The following GRM8 variants were observed in gnomAD, a reference collection of about 807,000 sequenced individuals.
The protein encoded by GRM8 is metabotropic glutamate receptor 8.
A neutral mutation model predicts 87.2 loss-of-function variants in GRM8; 47 were observed. The ratio of observed to expected loss-of-function variants is 0.54; its 90% CI spans 0.43 to 0.69. GRM8 has a LOEUF of 0.69. Ranked by LOEUF, GRM8 falls within the 30% of genes least tolerant of loss-of-function variation. The pLI is 0.00. For missense variants in GRM8, 1,019 were observed against 1,139.2 expected, an observed-to-expected ratio of 0.89 and a Z score of 1.52; for synonymous variants, 396 against 404.5, an observed-to-expected ratio of 0.98 and a Z score of 0.25.
At chr7:126,591,097 T>C (rs1796627035) in intron 8 of GRM8, among the ~76,000 whole-genome samples, 2 of 152,034 alleles carry the variant, frequency 1.3e-5, no homozygotes, top group South Asian at 4.1e-4. Flanking sequence ...GAATGGATAA[T>C]AATTCACCAA....
At chr7:127,064,269 G>C (rs1231164732) in intron 3 of GRM8, among the ~76,000 whole-genome samples, 2 of 151,700 alleles carry the variant, frequency 1.3e-5, no homozygotes, top group East Asian at 3.9e-4. Context: ...TGTCTCTGTG[G>C]GTCTCTAAGA....
At chr7:126,538,420 T>G (rs1816104280) in intron 8 of GRM8, among the ~76,000 whole-genome samples, 3 of 152,258 alleles carry the variant, frequency 2.0e-5, no homozygotes, top group African/African-American at 7.2e-5. Context: ...CCCATTATAA[T>G]TAATAATTTT....
At chr7:126,688,052 T>C (rs1430743942) in intron 7 of GRM8, among the ~76,000 whole-genome samples, 2 of 152,186 alleles carry the variant, frequency 1.3e-5, no homozygotes, top group Non-Finnish European at 2.9e-5. Context: ...TCAATCATTA[T>C]GTATATTGCA....
At chr7:127,122,962 C>T (rs1315625429) in intron 2 of GRM8, among the ~76,000 whole-genome samples, 9 of 151,926 alleles carry the variant, frequency 5.9e-5, no homozygotes, top group Non-Finnish European at 1.5e-5. Context: ...CTTGAGTCAA[C>T]GTTGAACTTC....
chr7:127,230,828 A>G lies in GRM8; in HGVS notation c.510+11867T>C, dbSNP rs184139760. 5.3e-5 allele frequency among the ~76,000 whole-genome samples: 8 copies of G among 152,264 alleles called. No individual in the cohort carries two copies. In the East Asian group the frequency reaches 1.2e-3, roughly 22 times the overall value. On this transcript the variant is annotated intron_variant, in intron 2 of 10. Transcript: ENST00000339582. ...CTTCCAGAAATGTGAGGGGAAAAAA[A>G]GGCTATTGTTTAAGCCACCCAGTCT...
intron 9 of GRM8, among the ~76,000 whole-genome samples, chr7:126,459,959 T>C (rs193031244): frequency 4.7e-4 from 71 of 151,692 alleles, no homozygotes; most frequent in Non-Finnish European, 8.3e-4. Context: ...TATTTTTACC[T>C]GCTCTTTTTA....
intron 6 of GRM8, among the ~76,000 whole-genome samples, chr7:126,879,452 T>C (rs990743288): frequency 6.6e-6 from 1 of 152,194 alleles, no homozygotes; most frequent in Non-Finnish European, 1.5e-5. Context: ...TGTAATTATA[T>C]CTAAATGTTC....
At chr7:127,174,387 G>C (rs1194920502) in intron 2 of GRM8, among the ~76,000 whole-genome samples, 1 of 152,116 alleles carries the variant, frequency 6.6e-6, no homozygotes, top group Non-Finnish European at 1.5e-5. Context: ...CCCATTCTCT[G>C]AACAGAAGGA....
At chr7:127,089,533 A>G (rs1423460273) in intron 3 of GRM8, among the ~76,000 whole-genome samples, 1 of 152,250 alleles carries the variant, frequency 6.6e-6, no homozygotes, top group Admixed American at 6.5e-5. Context: ...CTAAGCATAT[A>G]GCCAGCACAC....
chr7:126,983,870 G>A (rs928212343), intron 3 of GRM8, among the ~76,000 whole-genome samples: 3 of 152,216 alleles, frequency 2.0e-5, no homozygotes, highest in Admixed American at 6.5e-5. Context: ...AGGGAATACA[G>A]AATGGGTAGG....
intron 6 of GRM8, among the ~76,000 whole-genome samples, chr7:126,843,734 G>C (rs1050102166): frequency 1.3e-5 from 2 of 152,336 alleles, no homozygotes; most frequent in African/African-American, 4.8e-5. Flanking sequence ...CAATATTTCT[G>C]TGAGCCAGGG....
intron 3 of GRM8, among the ~76,000 whole-genome samples, chr7:127,042,001 G>A (rs932766485): frequency 6.6e-6 from 1 of 152,102 alleles, no homozygotes; most frequent in African/African-American, 2.4e-5. Flanking sequence ...GTGAGAGGAG[G>A]GGGGATTGGG....
At chr7:126,623,779 A>C (rs1800409528) in intron 7 of GRM8, among the ~76,000 whole-genome samples, 1 of 152,184 alleles carries the variant, frequency 6.6e-6, no homozygotes, top group South Asian at 2.1e-4. Context: ...GGTAAAAATA[A>C]ACAAGGCCCA....
intron 7 of GRM8, among the ~76,000 whole-genome samples, chr7:126,703,939 C>A (rs572650749): frequency 6.6e-6 from 1 of 152,258 alleles, no homozygotes; most frequent in Non-Finnish European, 1.5e-5. Flanking sequence ...CAACCACAGA[C>A]CCTGTCCTTA....
intron 8 of GRM8, among the ~76,000 whole-genome samples, chr7:126,563,297 T>A (rs12706736): frequency 0.38 from 56,821 of 149,418 alleles, 11,214 homozygotes; most frequent in East Asian, 0.5. Context: ...GGTTTTTTTT[T>A]AAAAAAAAAA....
At chr7:126,644,806 G>C (rs1399659851) in intron 7 of GRM8, among the ~76,000 whole-genome samples, 1 of 152,156 alleles carries the variant, frequency 6.6e-6, no homozygotes, top group Admixed American at 6.6e-5. Flanking sequence ...ACTCAGAAAA[G>C]GTCATAATAG....
chr7:126,729,441 C>G (rs565679862), intron 7 of GRM8, among the ~76,000 whole-genome samples: 1 of 152,146 alleles, frequency 6.6e-6, no homozygotes, highest in African/African-American at 2.4e-5. Context: ...AAGGCCATGT[C>G]GATTCCAGAA....
chr7:126,637,066 C>A (rs995906300), intron 7 of GRM8, among the ~76,000 whole-genome samples: 5 of 151,952 alleles, frequency 3.3e-5, no homozygotes, highest in African/African-American at 4.8e-5. Context: ...TTTATTGGCC[C>A]ATTGTCAAGT....
chr7:126,828,916 G>A (rs565498613), intron 6 of GRM8, among the ~76,000 whole-genome samples: 2 of 152,038 alleles, frequency 1.3e-5, no homozygotes, highest in East Asian at 3.9e-4. Flanking sequence ...TGTTCTCGTT[G>A]GTTTCAAAGA....
Sources: allele counts gnomAD v4.1 joint callset (sites outside exome capture counted in the v4.1 genomes callset), GRCh38; gene constraint gnomAD v4.1.1; transcripts MANE v1.5; gene names NCBI Gene and HGNC (gene_info 2026-07-23, HGNC 2026-07-21).